Variants in SYN3 observed in about 807,000 individuals in gnomAD.
The protein encoded by SYN3 is synapsin-3.
Under a neutral mutation model 65.8 loss-of-function variants are expected in SYN3, and 35 were observed. The ratio of observed to expected loss-of-function variants is 0.53; its 90% CI spans 0.41 to 0.70. The LOEUF is 0.70. SYN3 is among the 30% of genes least tolerant of loss of function. SYN3 has a pLI of 0.00. For missense variants in SYN3, 680 were observed against 749.0 expected, an observed-to-expected ratio of 0.91 and a Z score of 1.08; for synonymous variants, 270 against 292.9, an observed-to-expected ratio of 0.92 and a Z score of 0.80.
intron 1 of SYN3, among the ~76,000 whole-genome samples, chr22:33,019,030 A>G (rs1352503761): frequency 6.6e-6 from 1 of 152,064 alleles, no homozygotes; most frequent in Non-Finnish European, 1.5e-5. Flanking sequence ...CAGGCTCCTA[A>G]TCAGCTCCCT....
chr22:32,875,403 T>G (rs911163406), intron 4 of SYN3, among the ~76,000 whole-genome samples: 1 of 152,220 alleles, frequency 6.6e-6, no homozygotes, highest in Non-Finnish European at 1.5e-5. Context: ...GGTCTCTTCC[T>G]TCCTGAATCT....
At chr22:32,882,335 C>T (rs963796604) in intron 4 of SYN3, among the ~76,000 whole-genome samples, 3 of 152,118 alleles carry the variant, frequency 2.0e-5, no homozygotes, top group Non-Finnish European at 2.9e-5. Flanking sequence ...TGTCTGTCAT[C>T]AGTGCAGGGA....
Position 32,801,104 on chromosome 22 carries a change from T to C in SYN3, c.711+63811A>G, listed in dbSNP as rs2234920. Among the ~76,000 whole-genome samples the C allele has an allele frequency of 7.2e-3, 1,101 of 152,226 alleles. 11 individuals are homozygous for C. Among genetic ancestry groups the C allele is most frequent in the African/African-American group, 0.023 (957 of 41,546 alleles). ...TGCTCTGGGAGAGCACAGAAAACAG[T>C]CTTCTATCATATATCATAGCCAGCT... On this transcript the variant is annotated intron_variant, in intron 6 of 13. Transcript: ENST00000358763. The surrounding 1 kb of genome is among the most constrained non-coding windows in gnomAD (Gnocchi z 4.7).
chr22:32,810,176 A>C (rs1343646498), intron 6 of SYN3, among the ~76,000 whole-genome samples: 1 of 152,164 alleles, frequency 6.6e-6, no homozygotes, highest in African/African-American at 2.4e-5. Context: ...TGGAACTAAG[A>C]GGTCTTTTTG....
chr22:33,005,229 C>T (rs933670574), intron 2 of SYN3, among the ~76,000 whole-genome samples: 1 of 152,124 alleles, frequency 6.6e-6, no homozygotes, highest in Non-Finnish European at 1.5e-5. Context: ...ACTATGTGGC[C>T]ACCTTTGGAG....
intron 12 of SYN3, among the ~76,000 whole-genome samples, chr22:32,526,821 T>G (rs2057986233): frequency 6.6e-6 from 1 of 152,150 alleles, no homozygotes; most frequent in Non-Finnish European, 1.5e-5. Flanking sequence ...GCCCGGCCTC[T>G]GATAGGTTTT....
At chr22:32,627,041 A>G (rs1324670970) in intron 6 of SYN3, among the ~76,000 whole-genome samples, 1 of 152,004 alleles carries the variant, frequency 6.6e-6, no homozygotes, top group African/African-American at 2.4e-5. Context: ...CTCAGTTCCC[A>G]TGGAGGGCCT....
At chr22:32,820,330 C>A (rs940852067) in intron 6 of SYN3, among the ~76,000 whole-genome samples, 3 of 148,832 alleles carry the variant, frequency 2.0e-5, no homozygotes, top group African/African-American at 7.5e-5. Context: ...GTGTCATCCT[C>A]TGCTCATCCA....
chr22:32,685,427 C>T (rs1206901680), intron 6 of SYN3, among the ~76,000 whole-genome samples: 2 of 152,332 alleles, frequency 1.3e-5, no homozygotes, highest in African/African-American at 4.8e-5. Flanking sequence ...TGATGAACCG[C>T]ATATACAACA....
At position 32,931,443 on chromosome 22, in the gene SYN3, G is replaced by C. The variant is rs148857932; in HGVS notation, c.408C>G (p.Thr136=). ...FSELNLAAYV[T]GGCMVDMQVV... is the part of the protein sequence containing the mutation. ...CCTGCATGTCCACCATGCAGCCCCC[G>C]GTCACATAGGCAGCTAGGTTCAACT... The change falls in exon 4 of 14, where the codon ACC becomes ACG. Residue 136 remains threonine, a synonymous_variant. Coordinates refer to ENST00000358763, the MANE Select transcript of SYN3 (RefSeq NM_003490.4). The C allele has an allele frequency of 6.2e-7, 1 of 1,613,854 alleles. No individual in the cohort carries two copies. Among genetic ancestry groups the C allele is most frequent in the Non-Finnish European group, 8.5e-7 (1 of 1,179,892 alleles).
At position 32,878,941 on chromosome 22, in the gene SYN3, A is replaced by G. The variant is rs374012830; in HGVS notation, c.462-9816T>C. Among the ~76,000 whole-genome samples the G allele has an allele frequency of 3.9e-5, 6 of 152,280 alleles. No individual in the cohort carries two copies. In the East Asian group the frequency reaches 9.7e-4, roughly 25 times the overall value. ...TGGCCCTTGTGACTTTTCAAAAGAT[A>G]CCTAAATCTGGGTATTTATGTGAAA... is the stretch of plus-strand genomic sequence containing the variant. On this transcript the variant is annotated intron_variant, in intron 4 of 13. Coordinates refer to ENST00000358763, the MANE Select transcript of SYN3 (RefSeq NM_003490.4).
At chr22:33,053,913 G>T (rs986910164) in intron 1 of SYN3, among the ~76,000 whole-genome samples, 44 of 152,280 alleles carry the variant, frequency 2.9e-4, no homozygotes, top group African/African-American at 1.0e-3. Context: ...ATGACCAAAA[G>T]ATTTGGGAGA....
chr22:32,735,291 G>A (rs2061324322), intron 6 of SYN3, among the ~76,000 whole-genome samples: 1 of 152,152 alleles, frequency 6.6e-6, no homozygotes, highest in Admixed American at 6.5e-5. Context: ...TCATCAGCAA[G>A]ATGGGGATAG....
chr22:32,769,518 G>GTT (rs869083656), intron 6 of SYN3, among the ~76,000 whole-genome samples: 2 of 9,016 alleles, frequency 2.2e-4, no homozygotes, highest in South Asian at 1.2e-3. Flanking sequence ...TTCTGTGTTT[G>GTT]TTTTTTTTTT....
chr22:32,789,846 G>A (rs1174110376), intron 6 of SYN3, among the ~76,000 whole-genome samples: 1 of 152,170 alleles, frequency 6.6e-6, no homozygotes, highest in Non-Finnish European at 1.5e-5. Flanking sequence ...TTCAAGTTAG[G>A]TCATCTCTGA....
chr22:32,898,581 C>T (rs947395136), intron 4 of SYN3, among the ~76,000 whole-genome samples: 1 of 152,168 alleles, frequency 6.6e-6, no homozygotes, highest in Non-Finnish European at 1.5e-5. Flanking sequence ...AAATATTCAT[C>T]AAATGAAGAA....
At chr22:32,709,544 G>GT (rs962628416) in intron 6 of SYN3, among the ~76,000 whole-genome samples, 27 of 151,936 alleles carry the variant, frequency 1.8e-4, no homozygotes, top group Middle Eastern at 3.4e-3. Context: ...TTGAACCAGG[G>GT]TTTTTTTTAC....
intron 1 of SYN3, among the ~76,000 whole-genome samples, chr22:33,045,650 G>T (rs1291405010): frequency 1.3e-5 from 2 of 151,578 alleles, no homozygotes; most frequent in Non-Finnish European, 2.9e-5. Context: ...TTTTAGTAGA[G>T]ACAGAGTTTC....
At chr22:32,726,459 G>A (rs766434171) in intron 6 of SYN3, among the ~76,000 whole-genome samples, 22 of 152,084 alleles carry the variant, frequency 1.4e-4, no homozygotes, top group South Asian at 8.3e-4. Flanking sequence ...GATTCTTTTG[G>A]GGTACTCAGA....
Sources: gnomAD v4.1 joint callset for allele counts (sites outside exome capture counted in the v4.1 genomes callset) on GRCh38, gnomAD v4.1.1 for gene constraint, Gnocchi (gnomAD v3.1) non-coding constraint, MANE v1.5 for transcripts, NCBI Gene and HGNC (gene_info 2026-07-23, HGNC 2026-07-21) for gene names.